RAD51B: variants seen among roughly 807,000 people sequenced by gnomAD.
RAD51B encodes RAD51 paralog B.
RAD51B carries 38 observed loss-of-function variants against 42.2 expected under a neutral mutation model. The observed-to-expected ratio is 0.90, with a 90% CI of 0.70 to 1.18. RAD51B has a LOEUF of 1.18. Ranked by LOEUF, RAD51B falls within the 50% of genes most tolerant of loss-of-function variation. The probability of loss-of-function intolerance (pLI) is 0.00; values close to 1 mark genes in which losing one functional copy is unlikely to be tolerated. For missense variants in RAD51B, 373 were observed against 400.7 expected (o/e 0.93, Z 0.59); for synonymous variants, 154 against 145.2 (o/e 1.06, Z -0.43).
intron 7 of RAD51B, among the ~76,000 whole-genome samples, chr14:67,946,114 A>T (rs1043351824): frequency 1.3e-5 from 2 of 152,100 alleles, no homozygotes; most frequent in African/African-American, 4.8e-5. Flanking sequence ...CCCAAAATAG[A>T]GTTTTGGAAC....
intron 7 of RAD51B, among the ~76,000 whole-genome samples, chr14:67,904,308 C>A (rs2043708509): frequency 6.6e-6 from 1 of 151,958 alleles, no homozygotes. Flanking sequence ...GTTCTAAGTT[C>A]TTCGAAAGAT....
At chr14:68,652,862 T>A (rs187562677) in intron 11 of RAD51B, among the ~76,000 whole-genome samples, 1 of 152,364 alleles carries the variant, frequency 6.6e-6, no homozygotes, top group African/African-American at 2.4e-5. Context: ...TCTGTCCTGC[T>A]AAGGGTTTGA....
intron 7 of RAD51B, among the ~76,000 whole-genome samples, chr14:68,086,241 G>A (rs2076982157): frequency 6.6e-6 from 1 of 152,170 alleles, no homozygotes; most frequent in African/African-American, 2.4e-5. Context: ...GACTGCCCCA[G>A]CCAAACTCCG....
intron 7 of RAD51B, among the ~76,000 whole-genome samples, chr14:68,165,850 A>G (rs1242121700): frequency 2.6e-5 from 4 of 152,188 alleles, no homozygotes; most frequent in African/African-American, 9.7e-5. Context: ...TTAGTTTTGC[A>G]TGCTGTATAA....
chr14:68,647,894 C>T (rs1055169700), intron 10 of RAD51B, among the ~76,000 whole-genome samples: 77 of 151,514 alleles, frequency 5.1e-4, no homozygotes, highest in Non-Finnish European at 1.0e-3. Flanking sequence ...ATCAGGCTGG[C>T]CTTGAACTCC....
At chr14:67,865,237 T>A (rs1216619535) in intron 5 of RAD51B, 98 bp downstream of exon 5, 4 of 1,157,614 alleles carry the variant, frequency 3.5e-6, no homozygotes, top group Non-Finnish European at 4.5e-6. Context: ...CCCCTCCCCC[T>A]TGCCTTTTTT....
At chr14:68,338,771 G>T in intron 8 of RAD51B, 2 of 509,408 alleles carry the variant, frequency 3.9e-6, no homozygotes, top group Admixed American at 2.3e-5. Context: ...TTGCCTTTTC[G>T]AGCTTGATAA....
intron 10 of RAD51B, among the ~76,000 whole-genome samples, chr14:68,537,660 GTTC>G (rs1210614640): frequency 6.6e-6 from 1 of 152,166 alleles, no homozygotes; most frequent in African/African-American, 2.4e-5. Flanking sequence ...TATCATTTTA[GTTC>G]TTCTAGATTT....
At chr14:68,513,267 C>T (rs1885874722) in intron 10 of RAD51B, among the ~76,000 whole-genome samples, 1 of 152,198 alleles carries the variant, frequency 6.6e-6, no homozygotes, top group South Asian at 2.1e-4. Context: ...GGTAGCTGCA[C>T]CTCATGGGTG....
At chr14:67,980,876 T>C (rs773437521) in intron 7 of RAD51B, among the ~76,000 whole-genome samples, 5 of 152,134 alleles carry the variant, frequency 3.3e-5, no homozygotes, top group Non-Finnish European at 7.4e-5. Context: ...AAAGAACAAA[T>C]TGATAAGTTG....
chr14:68,388,078 GTA>G (rs1198304118), intron 8 of RAD51B, among the ~76,000 whole-genome samples: 9 of 112,234 alleles, frequency 8.0e-5, no homozygotes, highest in Admixed American at 2.0e-4. Context: ...GTGTGTGTGT[GTA>G]TATATATATA....
Position 68,253,561 on chromosome 14 carries a change from T to C in RAD51B, c.757-38323T>C, listed in dbSNP as rs77270664. 7.4e-3 allele frequency among the ~76,000 whole-genome samples: 1,130 copies of C among 152,308 alleles called. 14 individuals are homozygous for C. The highest frequency in any genetic ancestry group is 0.026 in the African/African-American group (1,088 of 41,544). ...ATCATTTATATGCAAAAGTCTTACA[T>C]TTTTTGTATAATCAAATATGTCAGC... is the stretch of plus-strand genomic sequence containing the variant. On this transcript the variant is annotated intron_variant, in intron 7 of 10. Transcript: ENST00000471583.
At chr14:68,415,785 A>G (rs2084542070) in intron 9 of RAD51B, among the ~76,000 whole-genome samples, 1 of 152,208 alleles carries the variant, frequency 6.6e-6, no homozygotes, top group Non-Finnish European at 1.5e-5. Context: ...AAAAATATTC[A>G]CATTTATACA....
intron 7 of RAD51B, among the ~76,000 whole-genome samples, chr14:68,185,566 T>C (rs1231990498): frequency 6.6e-6 from 1 of 152,008 alleles, no homozygotes; most frequent in Admixed American, 6.6e-5. Flanking sequence ...TTGAGTAGAT[T>C]AGGGAGAAAG....
At chr14:68,171,811 A>C (rs545655882) in intron 7 of RAD51B, among the ~76,000 whole-genome samples, 1 of 151,538 alleles carries the variant, frequency 6.6e-6, no homozygotes, top group South Asian at 2.1e-4. Flanking sequence ...GGTTCAAGAG[A>C]TTCTCCTGCC....
At chr14:68,490,233 T>G (rs1382996023) in intron 10 of RAD51B, among the ~76,000 whole-genome samples, 3 of 152,210 alleles carry the variant, frequency 2.0e-5, no homozygotes, top group African/African-American at 7.2e-5. Flanking sequence ...TTTTAATTTA[T>G]TTTTAAAGTA....
At chr14:68,455,496 T>A (rs1270367112) in intron 9 of RAD51B, among the ~76,000 whole-genome samples, 1 of 151,992 alleles carries the variant, frequency 6.6e-6, no homozygotes, top group Non-Finnish European at 1.5e-5. Context: ...GACAGGTAGA[T>A]CACGAGGTAA....
At chr14:68,160,315 C>T (rs1030248779) in intron 7 of RAD51B, among the ~76,000 whole-genome samples, 1 of 152,134 alleles carries the variant, frequency 6.6e-6, no homozygotes, top group Non-Finnish European at 1.5e-5. Context: ...GTAATTTGCT[C>T]AGTGTTACAT....
chr14:68,624,595 G>A (rs759142950), intron 10 of RAD51B, among the ~76,000 whole-genome samples: 7 of 151,958 alleles, frequency 4.6e-5, no homozygotes, highest in African/African-American at 7.3e-5. Flanking sequence ...CAATTACCTG[G>A]GAACCACCTC....
Sources: gnomAD v4.1 joint callset for allele counts (sites outside exome capture counted in the v4.1 genomes callset) on GRCh38, gnomAD v4.1.1 for gene constraint, MANE v1.5 for transcripts, NCBI Gene and HGNC (gene_info 2026-07-23, HGNC 2026-07-21) for gene names.